The following SNORC variants were observed in gnomAD, a reference collection of about 807,000 sequenced individuals.
SNORC encodes the protein secondary ossification center associated regulator of chondrocyte maturation.
Under a neutral mutation model 9.7 loss-of-function variants are expected in SNORC, and 11 were observed. That is an observed-to-expected ratio of 1.14 (90% CI 0.72 to 1.88). The LOEUF is 1.88. Among genes scored for constraint, SNORC ranks in the 40% most tolerant of loss-of-function variants. The pLI is 0.00. For synonymous variants in SNORC, 108 were observed against 88.7 expected (o/e 1.22, Z -1.22); for missense variants, 197 against 173.1 (o/e 1.14, Z -0.77).
upstream of SNORC, among the ~76,000 whole-genome samples, chr2:232,866,867 C>T (rs1690889151): frequency 6.6e-6 from 1 of 152,148 alleles, no homozygotes; most frequent in African/African-American, 2.4e-5. Context: ...GCACCCACCC[C>T]TATGCCTGGA....
chr2:232,876,358 G>C lies in SNORC; in HGVS notation c.*2G>C, dbSNP rs765964704. The C allele has an allele frequency of 1.3e-6, 2 of 1,530,772 alleles. No homozygotes were observed. The highest frequency in any genetic ancestry group is 1.4e-5 in the African/African-American group (1 of 70,108). 94.8% of individuals were successfully genotyped at this position (1,530,772 alleles called of 1,614,324 possible). A position where few individuals can be genotyped will look rare whatever the true frequency, so the allele number is the denominator to read the frequency against. ...CTGAGAAAGTTTTCTGCCTCCTGAA[G>C]CGAATAAAGGGGCCGCGCCCGGCCG... On this transcript the variant is annotated 3_prime_UTR_variant, in exon 3 of 3. Coordinates refer to ENST00000331342, the Ensembl canonical transcript of SNORC. This position sits in a 1 kb window ranked among gnomAD's most constrained non-coding sequence, Gnocchi z 6.8.
chr2:232,870,838 C>T (rs1023117983), intron 1 of SNORC, among the ~76,000 whole-genome samples: 53 of 152,290 alleles, frequency 3.5e-4, no homozygotes, highest in Admixed American at 2.9e-3. Flanking sequence ...CTGGTTTCTG[C>T]GACGTCCTTA....
chr2:232,871,292 C>G (rs949718906), intron 1 of SNORC, among the ~76,000 whole-genome samples: 1 of 152,110 alleles, frequency 6.6e-6, no homozygotes, highest in African/African-American at 2.4e-5. Context: ...TCGGCCACAC[C>G]CTGGGAGGTC....
At position 232,875,936 on chromosome 2, in the gene SNORC, G is replaced by C; in HGVS notation, c.74-4G>C. 6.5e-7 allele frequency: 1 copy of C among 1,549,140 alleles called. No individual in the cohort carries two copies. Among genetic ancestry groups the C allele is most frequent in the Non-Finnish European group, 8.7e-7 (1 of 1,148,582 alleles). ...GGCCCCAGCACCTCTCCTTGGCTTTGCAGACGATGTTCCACAGGAGCCCGT... is the reference window on the plus strand; with the variant it reads ...GGCCCCAGCACCTCTCCTTGGCTTTCCAGACGATGTTCCACAGGAGCCCGT... On this transcript the variant is annotated splice_polypyrimidine_tract_variant and splice_region_variant and intron_variant, in intron 1 of 2. Coordinates refer to ENST00000331342, the Ensembl canonical transcript of SNORC.
downstream of SNORC, chr2:232,876,898 T>C: frequency 1.0e-6 from 1 of 985,154 alleles, no homozygotes; most frequent in African/African-American, 1.7e-5. This position sits in a 1 kb window ranked among gnomAD's most constrained non-coding sequence, Gnocchi z 6.8. Context: ...CCCGCTCCGC[T>C]GGGGTTCAGA....
rs1316589004 is a variant in SNORC, at chr2:232,876,137, GGGGAGGGAGGGGAGA to G, written c.256+21_256+35del. The G allele has an allele frequency of 6.7e-7, 1 of 1,485,624 alleles. No individual in the cohort carries two copies. Among genetic ancestry groups the G allele is most frequent in the African/African-American group, 1.5e-5 (1 of 68,494 alleles). 92.0% of individuals were successfully genotyped at this position (1,485,624 alleles called of 1,614,324 possible). The stretch of plus-strand genomic sequence containing the variant: ...CCAGGGCGGCGGTACGGGCGGGGCG[GGGGAGGGAGGGGAGA>G]GGGAGAAATTAGGAGGGGCGGGGGG... On this transcript the variant is annotated intron_variant, in intron 2 of 2. Transcript: ENST00000331342. This position sits in a 1 kb window ranked among gnomAD's most constrained non-coding sequence, Gnocchi z 6.8.
intron 1 of SNORC, among the ~76,000 whole-genome samples, 179 bp downstream of exon 1, chr2:232,870,593 TGGAC>T (rs1265214602): frequency 2.0e-5 from 3 of 152,222 alleles, no homozygotes; most frequent in Non-Finnish European, 4.4e-5. Context: ...CTGTGTGGGA[TGGAC>T]GTCTCAGGAA....
chr2:232,875,881 G>A, intron 1 of SNORC, 59 bp from the exon 2 acceptor site: 2 of 1,492,468 alleles, frequency 1.3e-6, no homozygotes, highest in Non-Finnish European at 1.8e-6. Context: ...AGAGGTGGGG[G>A]GTGACGTCCC....
intron 1 of SNORC, 50 bp from the exon 2 acceptor site, chr2:232,875,890 C>T: frequency 6.7e-7 from 1 of 1,502,814 alleles, no homozygotes; most frequent in Non-Finnish European, 8.9e-7. Context: ...GGGTGACGTC[C>T]CTGTCGGCCC....
chr2:232,877,455 TGGA>T (rs886286189), downstream of SNORC: 2 of 716,722 alleles, frequency 2.8e-6, no homozygotes, highest in Non-Finnish European at 3.4e-6. Context: ...AGGGAAGGGT[TGGA>T]CAGTTTGGAG....
At chr2:232,876,875 G>C (rs1691274809), downstream of SNORC, 10 of 985,442 alleles carry the variant, frequency 1.0e-5, no homozygotes, top group Non-Finnish European at 1.1e-5. The surrounding 1 kb of genome is among the most constrained non-coding windows in gnomAD (Gnocchi z 6.8). Context: ...GCTCCCCGGG[G>C]CCTGCCTCCC....
At chr2:232,868,278 T>C (rs945286613), upstream of SNORC, among the ~76,000 whole-genome samples, 13 of 152,128 alleles carry the variant, frequency 8.5e-5, no homozygotes, top group South Asian at 2.1e-4. Context: ...CATATTTTTA[T>C]TGGAGATGGG....
upstream of SNORC, among the ~76,000 whole-genome samples, chr2:232,867,846 CA>C (rs376181844): frequency 1.1e-3 from 175 of 152,318 alleles, 2 homozygotes; most frequent in Middle Eastern, 0.014. Flanking sequence ...AATACAAATG[CA>C]TCTCCTTTCC....
chr2:232,866,545 A>C (rs370971831), upstream of SNORC, among the ~76,000 whole-genome samples: 1 of 152,288 alleles, frequency 6.6e-6, no homozygotes. Flanking sequence ...GTTTTGAGAA[A>C]ATTTTTAGTA....
rs753973180 is a variant in SNORC, at chr2:232,875,942, G to C, written c.76G>C (p.Asp26His). 56 of 1,550,712 alleles carry C rather than the reference G, an allele frequency of 3.6e-5. No homozygotes were observed. The East Asian group carries it at 4.9e-4, about 13-fold the overall frequency. Residue 26 changes from aspartate (D) to histidine (H), a missense_variant and splice_region_variant, in exon 2 of 3, where the codon GAT becomes CAT. Coordinates refer to ENST00000331342, the Ensembl canonical transcript of SNORC. ...AGCACCTCTCCTTGGCTTTGCAGAC[G>C]ATGTTCCACAGGAGCCCGTGCCCAC...
chr2:232,876,264 G>C lies in SNORC; in HGVS notation c.274G>C (p.Ala92Pro). 6.6e-7 allele frequency: 1 copy of C among 1,518,010 alleles called. No individual in the cohort carries two copies. The highest frequency in any genetic ancestry group is 8.8e-7 in the Non-Finnish European group (1 of 1,138,218). 94.0% of individuals were successfully genotyped at this position (1,518,010 alleles called of 1,614,324 possible). Residue 92 changes from alanine (A) to proline (P), a missense_variant, in exon 3 of 3, where the codon GCT (alanine) becomes CCT (proline). By Grantham distance (27) the Ala-to-Pro change is conservative. Coordinates refer to ENST00000331342, the Ensembl canonical transcript of SNORC. The surrounding 1 kb of genome is among the most constrained non-coding windows in gnomAD (Gnocchi z 6.8). ...CTCCGCAGGGTCGCTGGGGCCCGGC[G>C]CTATCGCGGCCATCGTGATCGCCGC...
chr2:232,875,916 CA>C, intron 1 of SNORC, 23 bp from the exon 2 acceptor site: 1 of 1,536,386 alleles, frequency 6.5e-7, no homozygotes, highest in Non-Finnish European at 8.8e-7. Context: ...CCTGGGGCCC[CA>C]GCACCTCTCC....
intron 1 of SNORC, among the ~76,000 whole-genome samples, chr2:232,872,785 TG>T (rs1445981334): frequency 6.6e-6 from 1 of 152,138 alleles, no homozygotes; most frequent in Non-Finnish European, 1.5e-5. Flanking sequence ...AGGATGGATT[TG>T]GGGGAAGATG....
chr2:232,872,151 T>C (rs1159314586), intron 1 of SNORC, among the ~76,000 whole-genome samples: 2 of 149,586 alleles, frequency 1.3e-5, no homozygotes, highest in African/African-American at 2.5e-5. Flanking sequence ...GGCTGGGAGC[T>C]CTGGACAGGT....
Sources: gnomAD v4.1 joint callset for allele counts (sites outside exome capture counted in the v4.1 genomes callset) on GRCh38, gnomAD v4.1.1 for gene constraint, Gnocchi (gnomAD v3.1) non-coding constraint, MANE v1.5 for transcripts, NCBI Gene and HGNC (gene_info 2026-07-23, HGNC 2026-07-21) for gene names.